Variants in ACOX3 observed in about 807,000 individuals in gnomAD.
ACOX3 encodes the protein acyl-CoA oxidase 3, pristanoyl, also known as peroxisomal acyl-coenzyme A oxidase 3.
Under a neutral mutation model 81.5 loss-of-function variants are expected in ACOX3, and 73 were observed. The ratio of observed to expected loss-of-function variants is 0.90; its 90% CI spans 0.74 to 1.09. The LOEUF (loss-of-function observed/expected upper bound fraction) is 1.09, where lower values mean the gene tolerates loss of function less well. ACOX3 is among the 50% of genes least tolerant of loss of function. The probability of loss-of-function intolerance (pLI) is 0.00; values close to 1 mark genes in which losing one functional copy is unlikely to be tolerated. For synonymous variants in ACOX3, 387 were observed against 375.1 expected (o/e 1.03, Z -0.37); for missense variants, 947 against 928.0 (o/e 1.02, Z -0.27).
In ACOX3 at chr4:8,384,553, G is replaced by T. The variant is rs1224948181; in HGVS notation, c.1538-2946C>A. On this transcript the variant is annotated intron_variant, in intron 13 of 17. Coordinates refer to ENST00000356406, the MANE Select transcript of ACOX3 (RefSeq NM_003501.3). This position sits in a 1 kb window ranked among gnomAD's most constrained non-coding sequence, Gnocchi z 5.3. ...CTGGGTCACCACGGCCTTTCCATGT[G>T]CCTCACACCAGAAGGACTCTCGAAG... is the stretch of plus-strand genomic sequence containing the variant. 6.6e-6 allele frequency among the ~76,000 whole-genome samples: 1 copy of T among 152,116 alleles called. No homozygotes were observed. The highest frequency in any genetic ancestry group is 1.5e-5 in the Non-Finnish European group (1 of 68,016).
At position 8,371,323 on chromosome 4, in the gene ACOX3, T is replaced by C. The variant is rs374807587; in HGVS notation, c.1897-329A>G. 2.4e-4 allele frequency among the ~76,000 whole-genome samples: 36 copies of C among 152,302 alleles called. No individual in the cohort carries two copies. In the South Asian group the frequency reaches 3.9e-3, roughly 17 times the overall value. ...AGAGGCTCGTTTCTAAGCCTTGGCT[T>C]ATCTGGGCAACTGCTGTTCCAGTAA... On this transcript the variant is annotated intron_variant, in intron 16 of 17. Transcript: ENST00000356406.
intron 1 of ACOX3, among the ~76,000 whole-genome samples, chr4:8,427,053 C>T (rs1014508346): frequency 6.6e-5 from 10 of 152,248 alleles, no homozygotes; most frequent in Middle Eastern, 3.4e-3. Context: ...CTTCCTAGGC[C>T]GACTAAGAAT....
At chr4:8,371,107 G>A (rs1716135460) in intron 16 of ACOX3, 113 bp from the exon 17 acceptor site, 2 of 850,144 alleles carry the variant, frequency 2.4e-6, no homozygotes. Flanking sequence ...GGTCACCTGA[G>A]CGGCACGTGC....
At chr4:8,374,855 G>T in intron 15 of ACOX3, 123 bp downstream of exon 15, 2 of 1,092,222 alleles carry the variant, frequency 1.8e-6, no homozygotes, top group Non-Finnish European at 2.5e-6. Context: ...TGTCCACAGC[G>T]CCATCCGCCG....
Position 8,381,570 on chromosome 4 carries a change from C to T in ACOX3, c.1575G>A (p.Leu525=). ...LAAYKWLVCY[L]LRETYQKLNQ... ...TTAATTTTTGATAAGTCTCTCGGAG[C>T]AGGTAGCAAACCAGCCACTTGTATG... The change falls in exon 14 of 18, where the codon CTG becomes CTA. Residue 525 remains leucine (L), a synonymous_variant. Transcript: ENST00000356406. The surrounding 1 kb of genome is among the most constrained non-coding windows in gnomAD (Gnocchi z 4.3). 2 of 1,613,936 alleles carry T rather than the reference C, an allele frequency of 1.2e-6. No individual in the cohort carries two copies. Among genetic ancestry groups the T allele is most frequent in the South Asian group, 2.2e-5 (2 of 91,060 alleles).
Position 8,381,671 on chromosome 4 carries a change from A to C in ACOX3, c.1538-64T>G, listed in dbSNP as rs1218669886. ...GAGAACACAGCATTTGTCACAACTC[A>C]CCCCCAGGGACAAGGCACTGCCAGC... On this transcript the variant is annotated intron_variant, in intron 13 of 17. Transcript: ENST00000356406. The surrounding 1 kb of genome is among the most constrained non-coding windows in gnomAD (Gnocchi z 4.3). The C allele has an allele frequency of 2.3e-5, 29 of 1,262,276 alleles. No individual in the cohort carries two copies. The highest frequency in any genetic ancestry group is 2.8e-5 in the Non-Finnish European group (25 of 879,098). 78.2% of individuals were successfully genotyped at this position (1,262,276 alleles called of 1,614,324 possible). A position where few individuals can be genotyped will look rare whatever the true frequency, so the allele number is the denominator to read the frequency against.
chr4:8,371,986 C>A (rs1468118898), intron 16 of ACOX3, among the ~76,000 whole-genome samples: 2 of 152,226 alleles, frequency 1.3e-5, no homozygotes, highest in Non-Finnish European at 2.9e-5. Flanking sequence ...TGGCTGGCAA[C>A]TTCTCCACCT....
At chr4:8,376,547 G>C (rs911604621) in intron 14 of ACOX3, among the ~76,000 whole-genome samples, 3 of 152,158 alleles carry the variant, frequency 2.0e-5, no homozygotes, top group African/African-American at 7.2e-5. Flanking sequence ...GCTGGGATCA[G>C]GAGCCTCGGG....
At position 8,419,326 on chromosome 4, in the gene ACOX3, C is replaced by T. The variant is rs1352322585; in HGVS notation, c.-14-2791G>A. Among the ~76,000 whole-genome samples the T allele has an allele frequency of 6.6e-6, 1 of 151,772 alleles. No homozygotes were observed. The highest frequency in any genetic ancestry group is 1.5e-5 in the Non-Finnish European group (1 of 67,970). On this transcript the variant is annotated intron_variant, in intron 1 of 17. Transcript: ENST00000356406. The surrounding 1 kb of genome is among the most constrained non-coding windows in gnomAD (Gnocchi z 4.2). ...TGGCAGGTGCCTATAGTCCCAGCTACTTGGGAGGCTGAGGCAGAGAATTAC... is the reference window on the plus strand; with the variant it reads ...TGGCAGGTGCCTATAGTCCCAGCTATTTGGGAGGCTGAGGCAGAGAATTAC...
downstream of ACOX3, among the ~76,000 whole-genome samples, chr4:8,363,966 C>A (rs1251591041): frequency 2.0e-5 from 3 of 152,126 alleles, no homozygotes; most frequent in African/African-American, 7.2e-5. Context: ...AACCAGCAGC[C>A]CTTGGGGCTG....
rs76334423 is a variant in ACOX3, at chr4:8,407,991, G to T, written c.688-1948C>A. ...CAGCCCAGCCCTGGGCATACAGGGCGCCCCAGTGAGTACTACCCAGCCCAA... is the reference window on the plus strand; with the variant it reads ...CAGCCCAGCCCTGGGCATACAGGGCTCCCCAGTGAGTACTACCCAGCCCAA... On this transcript the variant is annotated intron_variant, in intron 6 of 17. Transcript: ENST00000356406. The surrounding 1 kb of genome is among the most constrained non-coding windows in gnomAD (Gnocchi z 4.6). Among the ~76,000 whole-genome samples the T allele has an allele frequency of 4.6e-5, 7 of 152,240 alleles. No individual in the cohort carries two copies. The highest frequency in any genetic ancestry group is 1.4e-4 in the African/African-American group (6 of 41,522).
Position 8,396,972 on chromosome 4 carries a change from C to A in ACOX3, c.1021G>T (p.Glu341Ter). The change falls in exon 9 of 18, where the codon GAG (glutamate) becomes TAG (stop). Residue 341 changes from glutamate to a stop codon, truncating the protein, a stop_gained. Coordinates refer to ENST00000356406, the MANE Select transcript of ACOX3 (RefSeq NM_003501.3). LOFTEE classifies it high-confidence loss of function. ...ATRRQFGPTE[E>*]EEIPVLEYPM... is the part of the protein sequence containing the mutation. Reference sequence around the variant, plus strand: ...TACTCAAGCACTGGTATTTCCTCCTCCTCTGTGGGTCCAAACTGACGCCGA... The same window carrying A: ...TACTCAAGCACTGGTATTTCCTCCTACTCTGTGGGTCCAAACTGACGCCGA... 1 of 1,612,398 alleles carries A rather than the reference C, an allele frequency of 6.2e-7. No individual in the cohort carries two copies.
rs532722680 is a variant in ACOX3, at chr4:8,388,000, A to G, written c.1537+1173T>C. Among the ~76,000 whole-genome samples, 9 of 152,322 alleles carry G rather than the reference A, an allele frequency of 5.9e-5. No individual in the cohort carries two copies. In the East Asian group the frequency reaches 1.7e-3, roughly 29 times the overall value. On this transcript the variant is annotated intron_variant, in intron 13 of 17. Coordinates refer to ENST00000356406, the MANE Select transcript of ACOX3 (RefSeq NM_003501.3). ...TTTTAAAAATATGAATCATCAAAAC[A>G]AACAGCACACCCCTTTCCACCAGGC...
rs764377598 is a variant in ACOX3 at position 8,366,749 on chromosome 4, T to C, written c.*212A>G. ...GATCATCTGCATTTCTTTTCCACGC[T>C]GCAAATCACCGCGATCCCAGATTAG... On this transcript the variant is annotated 3_prime_UTR_variant, in exon 18 of 18. Coordinates refer to ENST00000356406, the MANE Select transcript of ACOX3 (RefSeq NM_003501.3). The C allele has an allele frequency of 9.8e-6, 5 of 512,042 alleles. No homozygotes were observed. Among genetic ancestry groups the C allele is most frequent in the Non-Finnish European group, 1.7e-5 (5 of 293,330 alleles). The allele number at this position is 512,042 out of a possible 1,614,324, so 31.7% of individuals were successfully genotyped here.
In ACOX3 at chr4:8,382,924, G is replaced by A. The variant is rs377732955; in HGVS notation, c.1538-1317C>T. On this transcript the variant is annotated intron_variant, in intron 13 of 17. Transcript: ENST00000356406. The surrounding 1 kb of genome is among the most constrained non-coding windows in gnomAD (Gnocchi z 4.1). ...GGAGAATGGCGTGAACCCGGGAGGC[G>A]GAGTTGCAGTGAGCCGAGATCGCGC... 3.3e-5 allele frequency among the ~76,000 whole-genome samples: 5 copies of A among 151,094 alleles called. No homozygotes were observed. Among genetic ancestry groups the A allele is most frequent in the East Asian group, 2.0e-4 (1 of 5,124 alleles).
chr4:8,389,055 C>G lies in ACOX3; in HGVS notation c.1537+118G>C, dbSNP rs1196666601. ...GACAAGCTGCATGCGGGGCCTCCCA[C>G]CACCACTGCTGCCCCGGCTGGAACT... On this transcript the variant is annotated intron_variant, in intron 13 of 17. Coordinates refer to ENST00000356406, the MANE Select transcript of ACOX3 (RefSeq NM_003501.3). The surrounding 1 kb of genome is among the most constrained non-coding windows in gnomAD (Gnocchi z 5.3). 6.4e-6 allele frequency: 5 copies of G among 777,368 alleles called. No individual in the cohort carries two copies. Among genetic ancestry groups the G allele is most frequent in the Middle Eastern group, 3.6e-4 (1 of 2,794 alleles). 48.2% of individuals were successfully genotyped at this position (777,368 alleles called of 1,614,324 possible).
chr4:8,363,753 AG>A (rs1244011527), downstream of ACOX3, among the ~76,000 whole-genome samples: 1 of 152,170 alleles, frequency 6.6e-6, no homozygotes, highest in African/African-American at 2.4e-5. Context: ...GGTGGCAGTA[AG>A]GAAGTCGGCT....
At chr4:8,378,771 T>C (rs1295073335) in intron 14 of ACOX3, among the ~76,000 whole-genome samples, 2 of 152,248 alleles carry the variant, frequency 1.3e-5, no homozygotes, top group Non-Finnish European at 2.9e-5. Flanking sequence ...AGTGGGTAAA[T>C]GGTGGATAGC....
chr4:8,389,231 G>A lies in ACOX3; in HGVS notation c.1479C>T (p.Pro493=), dbSNP rs113402127. 86 of 1,613,890 alleles carry A rather than the reference G, an allele frequency of 5.3e-5. No individual in the cohort carries two copies. The Middle Eastern group carries it at 6.6e-4, about 12-fold the overall frequency. Residue 493 remains proline, a synonymous_variant, in exon 13 of 18, where the codon CCC becomes CCT. Transcript: ENST00000356406. The surrounding 1 kb of genome is among the most constrained non-coding windows in gnomAD (Gnocchi z 5.3). ...CCTCAAACTTCTGGTCAAGGATGCC[G>A]GGATAGGCGTCCAGAAAGTCCACTG... The part of the protein sequence containing the change: ...LKSVDFLDAY[P]GILDQKFEVS...
Sources: gnomAD v4.1 joint callset for allele counts (sites outside exome capture counted in the v4.1 genomes callset) on GRCh38, gnomAD v4.1.1 for gene constraint, Gnocchi (gnomAD v3.1) non-coding constraint, MANE v1.5 for transcripts, NCBI Gene and HGNC (gene_info 2026-07-23, HGNC 2026-07-21) for gene names.